Variants in PKIB observed in about 807,000 individuals in gnomAD.
The protein encoded by PKIB is cAMP-dependent protein kinase inhibitor beta.
PKIB carries 2 observed loss-of-function variants against 4.5 expected under a neutral mutation model. That is an observed-to-expected ratio of 0.44 (90% CI 0.18 to 1.39). The LOEUF (loss-of-function observed/expected upper bound fraction) is 1.39. Ranked by LOEUF, PKIB falls within the 40% of genes most tolerant of loss-of-function variation. The pLI is 0.27. For missense variants in PKIB, 94 were observed against 92.6 expected, an observed-to-expected ratio of 1.02 and a Z score of -0.06; for synonymous variants, 38 against 36.0, an observed-to-expected ratio of 1.06 and a Z score of -0.20.
chr6:122,528,196 G>A (rs537339298), intron 2 of PKIB, among the ~76,000 whole-genome samples: 3 of 152,250 alleles, frequency 2.0e-5, no homozygotes, highest in African/African-American at 7.2e-5. Flanking sequence ...TTAGGCACTA[G>A]TATAGCCACT....
At chr6:122,576,668 C>CAAAAAAA (rs71867898) in intron 2 of PKIB, among the ~76,000 whole-genome samples, 1 of 12,018 alleles carries the variant, frequency 8.3e-5, no homozygotes, top group Non-Finnish European at 1.3e-4. Context: ...GACTCCATCT[C>CAAAAAAA]AAAAAAAAAA....
intron 3 of PKIB, chr6:122,701,291 C>T: frequency 1.6e-6 from 1 of 626,808 alleles, no homozygotes; most frequent in Non-Finnish European, 2.8e-6. Context: ...ATAGGTGTAC[C>T]ATTACAAGCA....
At chr6:122,488,670 T>G (rs1295367164) in intron 2 of PKIB, among the ~76,000 whole-genome samples, 1 of 152,102 alleles carries the variant, frequency 6.6e-6, no homozygotes, top group Non-Finnish European at 1.5e-5. Flanking sequence ...GTTTATATTA[T>G]TCTTTCATTT....
At chr6:122,653,779 G>A (rs982038580) in intron 2 of PKIB, among the ~76,000 whole-genome samples, 8 of 152,034 alleles carry the variant, frequency 5.3e-5, no homozygotes, top group Non-Finnish European at 1.2e-4. Flanking sequence ...TGGCCAACAT[G>A]GTGAAACCCT....
chr6:122,575,383 A>G (rs939728230), intron 2 of PKIB, among the ~76,000 whole-genome samples: 2 of 152,112 alleles, frequency 1.3e-5, no homozygotes, highest in African/African-American at 4.8e-5. Flanking sequence ...TCTTGCAGCA[A>G]TATGTGGTAG....
At chr6:122,616,638 G>A (rs9401561) in intron 1 of PKIB, among the ~76,000 whole-genome samples, 92,569 of 151,928 alleles carry the variant, frequency 0.61, 29,507 homozygotes, top group Non-Finnish European at 0.72. Context: ...GGTTAAGGAC[G>A]AAAGTGGAGG....
Position 122,597,404 on chromosome 6 carries a change from A to G in PKIB, c.-161+11397A>G, listed in dbSNP as rs144142233. 3.7e-3 allele frequency among the ~76,000 whole-genome samples: 571 copies of G among 152,344 alleles called. 3 individuals carry two copies. Among genetic ancestry groups the G allele is most frequent in the African/African-American group, 0.013 (530 of 41,582 alleles). On this transcript the variant is annotated intron_variant, in intron 3 of 6. Coordinates refer to the PKIB transcript ENST00000392491. The stretch of plus-strand genomic sequence containing the variant: ...GACAGGAATGGAGAAAAAGGGATTT[A>G]CCAAGTCAATGGCTGCATACAAGGT...
At chr6:122,531,432 G>A (rs1418534815) in intron 2 of PKIB, 1 of 152,100 alleles carries the variant, frequency 6.6e-6, no homozygotes, top group Admixed American at 6.6e-5. Flanking sequence ...TCATTATACA[G>A]GGAAGAAAGC....
chr6:122,541,807 T>G (rs1325015972), intron 2 of PKIB, among the ~76,000 whole-genome samples: 1 of 151,856 alleles, frequency 6.6e-6, no homozygotes, highest in African/African-American at 2.4e-5. Flanking sequence ...CTCCCCGTCA[T>G]TTTCAGGTAC....
chr6:122,674,532 A>T (rs1460485095), intron 2 of PKIB, among the ~76,000 whole-genome samples: 1 of 152,178 alleles, frequency 6.6e-6, no homozygotes, highest in East Asian at 1.9e-4. Flanking sequence ...AATAATATAT[A>T]GGTAGTTTAC....
At chr6:122,682,387 A>G (rs909031424) in intron 3 of PKIB, among the ~76,000 whole-genome samples, 1 of 152,142 alleles carries the variant, frequency 6.6e-6, no homozygotes, top group Non-Finnish European at 1.5e-5. Context: ...CTGTGTCTAA[A>G]TACTGTCACA....
chr6:122,672,701 GT>G (rs1430813802), intron 2 of PKIB, among the ~76,000 whole-genome samples: 3 of 151,600 alleles, frequency 2.0e-5, no homozygotes, highest in African/African-American at 7.3e-5. Context: ...TATTTTTAAT[GT>G]CTGTTAATGT....
chr6:122,614,509 G>A (rs1206654020), intron 1 of PKIB, among the ~76,000 whole-genome samples: 1 of 152,152 alleles, frequency 6.6e-6, no homozygotes, highest in Non-Finnish European at 1.5e-5. Flanking sequence ...CCGTGGGGGT[G>A]TGGGAGTAAG....
At chr6:122,546,231 A>T (rs745904271) in intron 2 of PKIB, among the ~76,000 whole-genome samples, 2 of 152,020 alleles carry the variant, frequency 1.3e-5, no homozygotes, top group Non-Finnish European at 2.9e-5. Context: ...CATCTAATGA[A>T]CCCTAGGGTC....
At chr6:122,688,964 G>A (rs1011279326) in intron 3 of PKIB, among the ~76,000 whole-genome samples, 1 of 151,692 alleles carries the variant, frequency 6.6e-6, no homozygotes, top group African/African-American at 2.4e-5. Flanking sequence ...TTTATTTTTA[G>A]TAGAGACGGG....
chr6:122,575,891 C>T (rs1773516662), intron 2 of PKIB, among the ~76,000 whole-genome samples: 1 of 152,046 alleles, frequency 6.6e-6, no homozygotes, highest in South Asian at 2.1e-4. Flanking sequence ...ACCACCTGTA[C>T]CCCCAAAACT....
intron 2 of PKIB, among the ~76,000 whole-genome samples, chr6:122,651,754 G>A (rs1776563925): frequency 6.6e-6 from 1 of 152,176 alleles, no homozygotes; most frequent in African/African-American, 2.4e-5. Context: ...CTTTTGGGCA[G>A]ACACAGAAGT....
intron 2 of PKIB, among the ~76,000 whole-genome samples, chr6:122,661,583 A>G (rs1366948752): frequency 6.6e-6 from 1 of 152,166 alleles, no homozygotes; most frequent in Admixed American, 6.5e-5. Flanking sequence ...CATTTTATTT[A>G]CACATTTATC....
chr6:122,659,704 A>G (rs1776911597), intron 2 of PKIB, among the ~76,000 whole-genome samples: 2 of 152,050 alleles, frequency 1.3e-5, no homozygotes, highest in African/African-American at 4.8e-5. Context: ...TAATTTAATA[A>G]CTCTCAGTCT....
Sources: gnomAD v4.1 joint callset for allele counts (sites outside exome capture counted in the v4.1 genomes callset) on GRCh38, gnomAD v4.1.1 for gene constraint, MANE v1.5 for transcripts, NCBI Gene and HGNC (gene_info 2026-07-23, HGNC 2026-07-21) for gene names.